Variants in SPTSSA observed in about 807,000 individuals in gnomAD.
SPTSSA encodes serine palmitoyltransferase small subunit A, also known as small subunit of serine palmitoyltransferase A.
In SPTSSA, 8 loss-of-function variants were observed where a neutral mutation model predicts 9.1. That is an observed-to-expected ratio of 0.88 (90% CI 0.51 to 1.58). SPTSSA has a LOEUF of 1.58. Among genes scored for constraint, SPTSSA ranks in the 40% most tolerant of loss-of-function variants. The probability of loss-of-function intolerance (pLI) is 0.00; values close to 1 mark genes in which losing one functional copy is unlikely to be tolerated. For missense variants in SPTSSA, 100 were observed against 93.8 expected (o/e 1.07, Z -0.27); for synonymous variants, 42 against 37.7 (o/e 1.11, Z -0.41).
intron 1 of SPTSSA, among the ~76,000 whole-genome samples, chr14:34,444,830 C>A (rs1236676706): frequency 6.6e-6 from 1 of 152,016 alleles, no homozygotes; most frequent in Non-Finnish European, 1.5e-5. Flanking sequence ...CACGATGGCT[C>A]ATGCCTGTAA....
intron 1 of SPTSSA, among the ~76,000 whole-genome samples, chr14:34,455,556 T>TATACAAATACAAATAAA (rs1883604969): frequency 1.3e-5 from 2 of 152,158 alleles, no homozygotes; most frequent in African/African-American, 4.8e-5. Context: ...ACCATAAGGA[T>TATACAAATACAAATAAA]GTATAATCTA....
At chr14:34,438,765 A>C (rs1363972262) in intron 1 of SPTSSA, among the ~76,000 whole-genome samples, 1 of 152,106 alleles carries the variant, frequency 6.6e-6, no homozygotes, top group Non-Finnish European at 1.5e-5. Context: ...CCCAACCTTA[A>C]TCAATGATAA....
At position 34,462,175 on chromosome 14, in the gene SPTSSA, C is replaced by G. The variant is rs376851624; in HGVS notation, c.33G>C (p.Lys11Asn). Residue 11 changes from lysine to asparagine, a missense_variant, in exon 1 of 2, where the codon AAG (lysine) becomes AAC (asparagine). By Grantham distance (94) the Lys-to-Asn change is moderately conservative. Transcript: ENST00000298130. MAGMALARAW[K>N]QMSWFYYQYL... The stretch of plus-strand genomic sequence containing the variant: ...ACTGGTAGTAGAACCAGGACATCTG[C>G]TTCCAGGCCCGCGCCAGCGCCATCC... 2 of 1,534,588 alleles carry G rather than the reference C, an allele frequency of 1.3e-6. No individual in the cohort carries two copies. The highest frequency in any genetic ancestry group is 1.9e-5 in the Admixed American group (1 of 53,482).
chr14:34,451,445 T>A (rs139396761), intron 1 of SPTSSA, among the ~76,000 whole-genome samples: 1 of 152,152 alleles, frequency 6.6e-6, no homozygotes, highest in Non-Finnish European at 1.5e-5. Context: ...AATTCTAGGC[T>A]GGGCGCGGTA....
rs552933822 is a variant in SPTSSA at position 34,449,836 on chromosome 14, C to T, written c.112+12260G>A. On this transcript the variant is annotated intron_variant, in intron 1 of 1. Transcript: ENST00000298130. Reference sequence around the variant, plus strand: ...GGTTTTATTGTCACACTTCAAAGTGCTCTCACAAAGCTAAACATATACATA... The same window carrying T: ...GGTTTTATTGTCACACTTCAAAGTGTTCTCACAAAGCTAAACATATACATA... Among the ~76,000 whole-genome samples the T allele has an allele frequency of 2.6e-4, 40 of 152,330 alleles. No homozygotes were observed. In the South Asian group the frequency reaches 7.7e-3, roughly 29 times the overall value.
At chr14:34,454,086 G>A (rs966546464) in intron 1 of SPTSSA, among the ~76,000 whole-genome samples, 4 of 152,062 alleles carry the variant, frequency 2.6e-5, no homozygotes, top group Non-Finnish European at 5.9e-5. Context: ...AAGCTGAGGC[G>A]GGAAGATCAC....
intron 1 of SPTSSA, among the ~76,000 whole-genome samples, chr14:34,442,692 T>A (rs1223463050): frequency 1.3e-5 from 2 of 152,224 alleles, no homozygotes; most frequent in Non-Finnish European, 2.9e-5. Context: ...GTCTTTGTGC[T>A]GCAGTTCTAA....
Position 34,462,208 on chromosome 14 carries a change from G to C in SPTSSA, c.-1C>G, listed in dbSNP as rs201619378. The C allele has an allele frequency of 1.9e-4, 285 of 1,526,592 alleles. No individual in the cohort carries two copies. The highest frequency in any genetic ancestry group is 1.7e-4 in the Non-Finnish European group (196 of 1,131,868). 94.6% of individuals were successfully genotyped at this position (1,526,592 alleles called of 1,614,324 possible). ...CCCGCGCCAGCGCCATCCCCGCCATGCGCCTCCCGCGATGCAGCTCACACG... is the reference window on the plus strand; with the variant it reads ...CCCGCGCCAGCGCCATCCCCGCCATCCGCCTCCCGCGATGCAGCTCACACG... On this transcript the variant is annotated 5_prime_UTR_variant, in exon 1 of 2. Transcript: ENST00000298130.
intron 1 of SPTSSA, among the ~76,000 whole-genome samples, chr14:34,447,296 A>T (rs1190244665): frequency 6.6e-6 from 1 of 150,960 alleles, no homozygotes; most frequent in Non-Finnish European, 1.5e-5. Flanking sequence ...ATCATTCTTT[A>T]ATCTACATAA....
intron 1 of SPTSSA, 138 bp downstream of exon 1, chr14:34,461,958 C>G (rs1257490689): frequency 2.7e-5 from 12 of 443,654 alleles, no homozygotes; most frequent in Non-Finnish European, 3.6e-5. Context: ...AGACCTCCCC[C>G]TGCACCCCCG....
intron 1 of SPTSSA, among the ~76,000 whole-genome samples, chr14:34,443,915 G>C (rs1883376202): frequency 2.0e-5 from 3 of 152,096 alleles, no homozygotes; most frequent in African/African-American, 7.2e-5. Context: ...CAAACTATTT[G>C]TGAATATTCT....
In SPTSSA at chr14:34,443,692, C is replaced by T. The variant is rs191763604; in HGVS notation, c.113-8388G>A. Among the ~76,000 whole-genome samples, 1,139 of 152,058 alleles carry T rather than the reference C, an allele frequency of 7.5e-3. 17 individuals carry two copies. Among genetic ancestry groups the T allele is most frequent in the African/African-American group, 0.026 (1,076 of 41,442 alleles). ...CTGGGATTACAGGTGCCCGCCACCA[C>T]ACCCAGGTAATTTTTGTATTTTTAG... is the stretch of plus-strand genomic sequence containing the variant. On this transcript the variant is annotated intron_variant, in intron 1 of 1. Transcript: ENST00000298130.
chr14:34,455,433 TCTCAGG>T (rs1320093451), intron 1 of SPTSSA, among the ~76,000 whole-genome samples: 5 of 151,836 alleles, frequency 3.3e-5, no homozygotes, highest in African/African-American at 1.2e-4. Context: ...TCACAGAATA[TCTCAGG>T]AGAGATGCAT....
At chr14:34,460,247 T>C (rs1878589252) in intron 1 of SPTSSA, among the ~76,000 whole-genome samples, 1 of 152,208 alleles carries the variant, frequency 6.6e-6, no homozygotes, top group Admixed American at 6.5e-5. Context: ...CTAACCTGAG[T>C]TAATTCAATA....
intron 1 of SPTSSA, among the ~76,000 whole-genome samples, chr14:34,460,131 C>G (rs1878587559): frequency 6.6e-6 from 1 of 152,106 alleles, no homozygotes; most frequent in African/African-American, 2.4e-5. Context: ...AATTGATGTT[C>G]CAAACTATCA....
intron 1 of SPTSSA, among the ~76,000 whole-genome samples, chr14:34,448,067 C>T (rs1391497336): frequency 6.6e-6 from 1 of 152,056 alleles, no homozygotes; most frequent in Non-Finnish European, 1.5e-5. Flanking sequence ...CCAGCCTGGC[C>T]AACATGGTGA....
At chr14:34,453,019 CCTT>C (rs145371396) in intron 1 of SPTSSA, among the ~76,000 whole-genome samples, 1,746 of 152,248 alleles carry the variant, frequency 0.011, 31 homozygotes, top group African/African-American at 0.04. Context: ...TCCTCCTCCT[CCTT>C]ATGATTTTCT....
intron 1 of SPTSSA, among the ~76,000 whole-genome samples, chr14:34,458,312 C>A (rs7152442): frequency 0.089 from 13,475 of 151,462 alleles, 1,210 homozygotes; most frequent in African/African-American, 0.23. Context: ...GGTGCCTCAG[C>A]CACCAAAGTA....
chr14:34,461,374 T>A (rs61552888), intron 1 of SPTSSA, among the ~76,000 whole-genome samples: 14,027 of 152,218 alleles, frequency 0.092, 1,336 homozygotes, highest in African/African-American at 0.25. Context: ...GCACAAATGC[T>A]TTGCTTATAG....
Sources: gnomAD v4.1 joint callset for allele counts (sites outside exome capture counted in the v4.1 genomes callset) on GRCh38, gnomAD v4.1.1 for gene constraint, MANE v1.5 for transcripts, NCBI Gene and HGNC (gene_info 2026-07-23, HGNC 2026-07-21) for gene names.